PPHLN1: variants seen among roughly 807,000 people sequenced by gnomAD.
PPHLN1 encodes the protein periphilin 1.
A neutral mutation model predicts 51.3 loss-of-function variants in PPHLN1; 29 were observed. The observed-to-expected ratio is 0.57, with a 90% CI of 0.42 to 0.77. The LOEUF (loss-of-function observed/expected upper bound fraction) is 0.77, where lower values mean the gene tolerates loss of function less well. PPHLN1 is among the 30% of genes least tolerant of loss of function. PPHLN1 has a pLI of 0.00. For synonymous variants in PPHLN1, 147 were observed against 147.8 expected (o/e 0.99, Z 0.04); for missense variants, 436 against 438.4 (o/e 0.99, Z 0.05).
chr12:42,345,562 C>T (rs2072186049), intron 2 of PPHLN1, among the ~76,000 whole-genome samples: 1 of 151,130 alleles, frequency 6.6e-6, no homozygotes, highest in Non-Finnish European at 1.5e-5. Context: ...GTAACATCCA[C>T]AGAAAATTCT....
intron 5 of PPHLN1, among the ~76,000 whole-genome samples, chr12:42,375,512 A>G (rs916988229): frequency 6.6e-6 from 1 of 151,560 alleles, no homozygotes; most frequent in South Asian, 2.1e-4. Flanking sequence ...GGGTTTCACC[A>G]TGTTGGTCAG....
At chr12:42,382,878 C>T (rs561058907) in intron 5 of PPHLN1, among the ~76,000 whole-genome samples, 9 of 152,200 alleles carry the variant, frequency 5.9e-5, no homozygotes, top group South Asian at 2.1e-4. Flanking sequence ...TAGTTTTACA[C>T]GAGCACATCA....
intron 2 of PPHLN1, among the ~76,000 whole-genome samples, chr12:42,349,615 G>A (rs1023915811): frequency 2.0e-5 from 3 of 152,106 alleles, no homozygotes; most frequent in African/African-American, 4.8e-5. Context: ...GACTCTTAAC[G>A]AGCATGCTGC....
downstream of PPHLN1, chr12:42,446,689 CAG>C: frequency 1.3e-6 from 2 of 1,556,552 alleles, no homozygotes; most frequent in Non-Finnish European, 1.8e-6. Flanking sequence ...ATGCAAAAAA[CAG>C]AAAAGGGGTG....
chr12:42,419,171 TAATAGTTTA>T (rs1443195607), intron 9 of PPHLN1, among the ~76,000 whole-genome samples: 2 of 152,218 alleles, frequency 1.3e-5, no homozygotes, highest in Admixed American at 1.3e-4. Flanking sequence ...GTCAGCTCAT[TAATAGTTTA>T]AATTCTTTCA....
At chr12:42,349,449 T>C (rs2072875587) in intron 2 of PPHLN1, among the ~76,000 whole-genome samples, 2 of 152,084 alleles carry the variant, frequency 1.3e-5, no homozygotes, top group South Asian at 2.1e-4. Flanking sequence ...TGGGTGTTTC[T>C]CGGAGAGGGG....
At chr12:42,381,388 A>C (rs990310120) in intron 5 of PPHLN1, among the ~76,000 whole-genome samples, 2 of 152,224 alleles carry the variant, frequency 1.3e-5, no homozygotes, top group Non-Finnish European at 2.9e-5. Context: ...AAATGTTCAT[A>C]ATGTGTGCAG....
At chr12:42,421,969 T>A (rs1293535251) in intron 9 of PPHLN1, among the ~76,000 whole-genome samples, 1 of 152,118 alleles carries the variant, frequency 6.6e-6, no homozygotes, top group African/African-American at 2.4e-5. Flanking sequence ...GAAGCAAAAC[T>A]GCTAGAAAGA....
At chr12:42,390,445 A>G (rs1459099249) in intron 7 of PPHLN1, among the ~76,000 whole-genome samples, 2 of 152,162 alleles carry the variant, frequency 1.3e-5, no homozygotes, top group Admixed American at 1.3e-4. Context: ...TATATGAAAT[A>G]TTTTCTCTGA....
chr12:42,446,351 G>A (rs574846022), downstream of PPHLN1: 1 of 1,511,890 alleles, frequency 6.6e-7, no homozygotes, highest in Non-Finnish European at 8.8e-7. Flanking sequence ...ACCCTATTAA[G>A]CCCATTTTCT....
At chr12:42,366,224 CTTTTTTTTT>C (rs34689856) in intron 4 of PPHLN1, among the ~76,000 whole-genome samples, 2 of 111,218 alleles carry the variant, frequency 1.8e-5, no homozygotes, top group African/African-American at 7.0e-5. Flanking sequence ...GTACCGGACA[CTTTTTTTTT>C]TTTTTTTTTT....
chr12:42,402,083 T>C (rs557301098), intron 9 of PPHLN1, among the ~76,000 whole-genome samples: 1 of 150,650 alleles, frequency 6.6e-6, no homozygotes, highest in East Asian at 2.0e-4. Flanking sequence ...GGTCGCCAAC[T>C]TCTGGGCTCG....
At chr12:42,446,842 G>A (rs957303335), downstream of PPHLN1, 9 of 465,666 alleles carry the variant, frequency 1.9e-5, no homozygotes, top group South Asian at 6.1e-5. Context: ...GGCTGAGGGC[G>A]AACAGTAGGT....
downstream of PPHLN1, chr12:42,445,934 C>T (rs527535172): frequency 1.3e-5 from 19 of 1,455,138 alleles, no homozygotes; most frequent in East Asian, 4.0e-4. Context: ...GTTTTGCTAA[C>T]ATGGGGAAGA....
At chr12:42,367,039 G>T (rs1194741594) in intron 4 of PPHLN1, among the ~76,000 whole-genome samples, 1 of 152,000 alleles carries the variant, frequency 6.6e-6, no homozygotes, top group Non-Finnish European at 1.5e-5. Context: ...ACAAAATGTT[G>T]CAGAATGCTT....
chr12:42,357,044 TA>T lies in PPHLN1; in HGVS notation c.299+1824del, dbSNP rs534971586. Among the ~76,000 whole-genome samples, 8 of 152,292 alleles carry T rather than the reference TA, an allele frequency of 5.3e-5. No homozygotes were observed. The East Asian group carries it at 1.5e-3, about 29-fold the overall frequency. On this transcript the variant is annotated intron_variant, in intron 4 of 9. Transcript: ENST00000358314. ...TCAAAATACTATAGCATGAAAACTG[TA>T]ATGAGTGATAGGAATAAACTCACCA...
intron 2 of PPHLN1, among the ~76,000 whole-genome samples, chr12:42,347,454 A>G (rs1441932908): frequency 2.6e-5 from 4 of 152,202 alleles, no homozygotes; most frequent in Non-Finnish European, 5.9e-5. Context: ...AATGCAGGTA[A>G]TAAAAATACT....
chr12:42,433,110 G>A, intron 9 of PPHLN1: 2 of 778,916 alleles, frequency 2.6e-6, no homozygotes, highest in East Asian at 4.9e-5. Flanking sequence ...TTGTTCAAAT[G>A]TGACTATTTC....
At chr12:42,444,937 C>G (rs2083222945), downstream of PPHLN1, 28 of 636,520 alleles carry the variant, frequency 4.4e-5, no homozygotes, top group South Asian at 5.1e-4. Flanking sequence ...TCGAGATTTA[C>G]TAGTACTCAG....
Sources: allele counts gnomAD v4.1 joint callset (sites outside exome capture counted in the v4.1 genomes callset), GRCh38; gene constraint gnomAD v4.1.1; transcripts MANE v1.5; gene names NCBI Gene and HGNC (gene_info 2026-07-23, HGNC 2026-07-21).